Variants in CES5A observed in about 807,000 individuals in gnomAD.
CES5A encodes the protein carboxylesterase 5A.
CES5A carries 67 observed loss-of-function variants against 62.9 expected under a neutral mutation model. The observed-to-expected ratio is 1.07, with a 90% CI of 0.88 to 1.31. CES5A has a LOEUF of 1.31. Among genes scored for constraint, CES5A ranks in the 50% most tolerant of loss-of-function variants. The pLI, the probability that CES5A is intolerant of heterozygous loss-of-function variation, is 0.00. For missense variants in CES5A, 748 were observed against 708.5 expected (o/e 1.06, Z -0.63); for synonymous variants, 296 against 280.8 (o/e 1.05, Z -0.54).
upstream of CES5A, among the ~76,000 whole-genome samples, chr16:55,877,710 A>G (rs1177986318): frequency 6.6e-6 from 1 of 152,170 alleles, no homozygotes; most frequent in Non-Finnish European, 1.5e-5. Flanking sequence ...TACAGGTACC[A>G]GACCCTGGGC....
chr16:55,939,332 T>A (rs970433996), intron 2 of CES5A, among the ~76,000 whole-genome samples: 1 of 152,102 alleles, frequency 6.6e-6, no homozygotes, highest in Admixed American at 6.5e-5. Flanking sequence ...CACTCACATC[T>A]CATGAACTAA....
At chr16:55,911,432 C>T (rs1401996973) in intron 1 of CES5A, among the ~76,000 whole-genome samples, 4 of 152,178 alleles carry the variant, frequency 2.6e-5, no homozygotes, top group Non-Finnish European at 5.9e-5. Context: ...ACAGTCTCTG[C>T]TACAGAACTT....
intron 2 of CES5A, among the ~76,000 whole-genome samples, chr16:55,931,556 T>A (rs1160500840): frequency 3.3e-5 from 5 of 152,216 alleles, no homozygotes; most frequent in Non-Finnish European, 5.9e-5. Context: ...ATTGCAGTCA[T>A]TCTGGACTGG....
At chr16:55,878,883 A>C (rs118082425), upstream of CES5A, among the ~76,000 whole-genome samples, 265 of 94,736 alleles carry the variant, frequency 2.8e-3, 4 homozygotes, top group East Asian at 0.059. Flanking sequence ...CTGCACCCCC[A>C]CCATTTAACC....
At chr16:55,922,072 A>T (rs2034211233) in intron 1 of CES5A, among the ~76,000 whole-genome samples, 1 of 152,014 alleles carries the variant, frequency 6.6e-6, no homozygotes, top group Non-Finnish European at 1.5e-5. Flanking sequence ...ATGAATTAAA[A>T]CATACTACCA....
chr16:55,864,945 G>A lies in CES5A; in HGVS notation c.705+1018C>T, dbSNP rs1260763488. Among the ~76,000 whole-genome samples, 6 of 152,220 alleles carry A rather than the reference G, an allele frequency of 3.9e-5. No individual in the cohort carries two copies. The East Asian group carries it at 7.7e-4, about 20-fold the overall frequency. On this transcript the variant is annotated intron_variant, in intron 5 of 12. Transcript: ENST00000290567. ...GCTGTCACCGGACACGGTGGCTCAC[G>A]CCTGTAATCCCAGCACTTTGGGAAC...
rs186795862 is a variant in CES5A, at chr16:55,937,186, C to T, written c.160+12599G>A. 9.0e-4 allele frequency among the ~76,000 whole-genome samples: 137 copies of T among 152,266 alleles called. 1 individual carries two copies. Among genetic ancestry groups the T allele is most frequent in the African/African-American group, 3.0e-3 (126 of 41,550 alleles). ...TCAAGATCTGTGCATTTTAGTAAAG[C>T]CTTCTCTAACCCCTTCCCCCAGCAG... On this transcript the variant is annotated intron_variant, in intron 2 of 13. Coordinates refer to the CES5A transcript ENST00000521992.
At chr16:55,915,495 A>C (rs1264723506) in intron 1 of CES5A, among the ~76,000 whole-genome samples, 1 of 152,038 alleles carries the variant, frequency 6.6e-6, no homozygotes, top group African/African-American at 2.4e-5. Context: ...TGGGGAGGGG[A>C]AAAGCTGGAC....
upstream of CES5A, among the ~76,000 whole-genome samples, chr16:55,878,887 TTTAA>T (rs2033729249): frequency 7.6e-6 from 1 of 131,110 alleles, no homozygotes; most frequent in African/African-American, 2.9e-5. Context: ...ACCCCCACCA[TTTAA>T]CCACCATCAC....
At chr16:55,938,776 A>G (rs2034410579) in intron 2 of CES5A, among the ~76,000 whole-genome samples, 1 of 67,660 alleles carries the variant, frequency 1.5e-5, no homozygotes, top group Non-Finnish European at 3.1e-5. Flanking sequence ...ATATATATAT[A>G]TATATATATA....
Position 55,849,716 on chromosome 16 carries a change from T to C in CES5A, c.1331A>G (p.Asp444Gly). 1 of 1,613,962 alleles carries C rather than the reference T, an allele frequency of 6.2e-7. No homozygotes were observed. Among genetic ancestry groups the C allele is most frequent in the Non-Finnish European group, 8.5e-7 (1 of 1,179,886 alleles). ...EFRHRPQCFEDTKPAFVKADH... is the reference protein window; with the variant it reads ...EFRHRPQCFEGTKPAFVKADH... ...GGCTTTGACAAAAGCTGGCTTCGTG[T>C]CTTCAAAGCACTGAGGCCGGTGCCG... Residue 444 changes from aspartate (D) to glycine (G), a missense_variant, in exon 11 of 13, where the codon GAC becomes GGC. By Grantham distance (94) the Asp-to-Gly change is moderately conservative (BLOSUM62 -1). Transcript: ENST00000290567.
At chr16:55,896,404 A>G (rs2142437781) in intron 1 of CES5A, among the ~76,000 whole-genome samples, 1 of 152,306 alleles carries the variant, frequency 6.6e-6, no homozygotes, top group South Asian at 2.1e-4. Flanking sequence ...TTCTCTTTGT[A>G]CATGCCTGCT....
intron 11 of CES5A, among the ~76,000 whole-genome samples, chr16:55,847,667 G>T (rs763868603): frequency 2.0e-5 from 3 of 152,194 alleles, no homozygotes; most frequent in Middle Eastern, 3.4e-3. Flanking sequence ...TATTAAAATT[G>T]ATCTCATATA....
chr16:55,909,570 G>GCACACACACACACACA (rs34468527), intron 1 of CES5A, among the ~76,000 whole-genome samples: 171 of 150,154 alleles, frequency 1.1e-3, no homozygotes, highest in Middle Eastern at 3.4e-3. Flanking sequence ...GTGCGCACGT[G>GCACACACACACACACA]CACACACACA....
At chr16:55,856,586 C>T in intron 8 of CES5A, 141 bp from the exon 9 acceptor site, 2 of 681,732 alleles carry the variant, frequency 2.9e-6, no homozygotes, top group South Asian at 1.7e-5. Context: ...GTGGAAGTGG[C>T]CTCAGTGTGC....
At chr16:55,878,940 T>A (rs2033730652), upstream of CES5A, among the ~76,000 whole-genome samples, 1 of 121,142 alleles carries the variant, frequency 8.3e-6, no homozygotes. Flanking sequence ...CACCTCCCAC[T>A]GCACCCCATC....
chr16:55,947,475 A>C (rs1254883127), intron 2 of CES5A, among the ~76,000 whole-genome samples: 6 of 152,276 alleles, frequency 3.9e-5, no homozygotes, highest in African/African-American at 1.4e-4. Flanking sequence ...ACTGTTCTGG[A>C]TGTTAGGAAT....
At chr16:55,857,602 G>T (rs760908273) in intron 8 of CES5A, among the ~76,000 whole-genome samples, 4 of 152,232 alleles carry the variant, frequency 2.6e-5, no homozygotes, top group Non-Finnish European at 5.9e-5. Flanking sequence ...ACATTAAGGA[G>T]CTGGGATTTG....
intron 1 of CES5A, among the ~76,000 whole-genome samples, chr16:55,885,520 A>G (rs2033806633): frequency 6.6e-6 from 1 of 152,144 alleles, no homozygotes; most frequent in South Asian, 2.1e-4. Flanking sequence ...AAGGAGAGAT[A>G]ACAAGAAGGT....
Sources: gnomAD v4.1 joint callset for allele counts (sites outside exome capture counted in the v4.1 genomes callset) on GRCh38, gnomAD v4.1.1 for gene constraint, MANE v1.5 for transcripts, NCBI Gene and HGNC (gene_info 2026-07-23, HGNC 2026-07-21) for gene names.